Variants in WDR59 observed in about 807,000 individuals in gnomAD.
The protein encoded by WDR59 is GATOR2 complex protein WDR59.
Under a neutral mutation model 131.2 loss-of-function variants are expected in WDR59, and 100 were observed. That is an observed-to-expected ratio of 0.76 (90% CI 0.65 to 0.90). The LOEUF (loss-of-function observed/expected upper bound fraction) is 0.90. Ranked by LOEUF, WDR59 falls within the 40% of genes least tolerant of loss-of-function variation. The pLI is 0.00. For missense variants in WDR59, 1,203 were observed against 1,262.2 expected (o/e 0.95, Z 0.71); for synonymous variants, 601 against 466.2 (o/e 1.29, Z -3.72).
At chr16:74,953,208 A>C (rs1391701436) in intron 3 of WDR59, among the ~76,000 whole-genome samples, 1 of 152,220 alleles carries the variant, frequency 6.6e-6, no homozygotes, top group African/African-American at 2.4e-5. Flanking sequence ...GCAGTGGCTC[A>C]TGCCTGTAAT....
At chr16:74,917,852 T>A in intron 11 of WDR59, 77 bp downstream of exon 11, 25 of 1,096,044 alleles carry the variant, frequency 2.3e-5, no homozygotes, top group Non-Finnish European at 3.0e-5. Context: ...CTGTAACCTC[T>A]AATTTCCGCA....
rs34834142 is a variant in WDR59, at chr16:74,957,081, CTT to C, written c.105-473_105-472del. On this transcript the variant is annotated intron_variant, in intron 2 of 25. Coordinates refer to ENST00000262144, the MANE Select transcript of WDR59 (RefSeq NM_030581.4). ...CTATGTCTTGAATATCTTTTTTTTT[CTT>C]TTTTTTTTTTTTTTTGAGACAGAGT... Among the ~76,000 whole-genome samples the C allele has an allele frequency of 1.7e-3, 207 of 123,938 alleles. 1 individual carries two copies. Among genetic ancestry groups the C allele is most frequent in the African/African-American group, 3.8e-3 (124 of 32,854 alleles). 81.3% of individuals were successfully genotyped at this position (123,938 alleles called of 152,430 possible).
chr16:74,952,457 A>G (rs910697312), intron 3 of WDR59, among the ~76,000 whole-genome samples: 6 of 150,732 alleles, frequency 4.0e-5, no homozygotes, highest in African/African-American at 7.3e-5. Context: ...AAAAAAAAAA[A>G]AAAAAAAAAG....
chr16:74,885,698 C>G lies in WDR59; in HGVS notation c.2644G>C (p.Val882Leu). 6.2e-7 allele frequency: 1 copy of G among 1,614,124 alleles called. No individual in the cohort carries two copies. The highest frequency in any genetic ancestry group is 8.5e-7 in the Non-Finnish European group (1 of 1,180,030). The change falls in exon 25 of 26, where the codon GTG becomes CTG. Residue 882 changes from valine (V) to leucine (L), a missense_variant. By Grantham distance (32) the Val-to-Leu change is conservative. Coordinates refer to ENST00000262144, the MANE Select transcript of WDR59 (RefSeq NM_030581.4). ...GGAGGACAGGAGACAAACTTCAACACTTCAGCTCGCTTCTCTCTCAGACCC... is the reference window on the plus strand; with the variant it reads ...GGAGGACAGGAGACAAACTTCAACAGTTCAGCTCGCTTCTCTCTCAGACCC... Reference protein sequence around the residue: ...RWGLREKRAEVLKFVSCPPDP... With the variant: ...RWGLREKRAELLKFVSCPPDP...
chr16:74,932,528 A>T (rs558796756), intron 8 of WDR59, among the ~76,000 whole-genome samples: 11 of 151,844 alleles, frequency 7.2e-5, no homozygotes, highest in African/African-American at 1.9e-4. Flanking sequence ...TCACTCTGTC[A>T]CCCAGGTTGG....
At chr16:74,976,738 G>A (rs558251951) in intron 1 of WDR59, among the ~76,000 whole-genome samples, 4 of 152,308 alleles carry the variant, frequency 2.6e-5, no homozygotes, top group African/African-American at 9.6e-5. Flanking sequence ...ACCAAGCCCG[G>A]CCTAAACATT....
At chr16:74,955,417 C>T (rs964108976) in intron 3 of WDR59, among the ~76,000 whole-genome samples, 6 of 152,084 alleles carry the variant, frequency 3.9e-5, no homozygotes, top group South Asian at 2.1e-4. Context: ...CTGGACTAGA[C>T]GATCAGGGGC....
intron 18 of WDR59, among the ~76,000 whole-genome samples, chr16:74,903,545 A>C (rs1965655440): frequency 6.6e-6 from 1 of 152,138 alleles, no homozygotes; most frequent in Non-Finnish European, 1.5e-5. Context: ...TCTCACAACC[A>C]TCAAGTTCCA....
Position 74,888,079 on chromosome 16 carries a change from T to C in WDR59, c.2346+90A>G, listed in dbSNP as rs147492747. 3.1e-4 allele frequency: 441 copies of C among 1,438,220 alleles called. 3 individuals carry two copies. The African/African-American group carries it at 5.2e-3, about 17-fold the overall frequency. The allele number at this position is 1,438,220 out of a possible 1,614,324, so 89.1% of individuals were successfully genotyped here. On this transcript the variant is annotated intron_variant, in intron 22 of 25. Coordinates refer to ENST00000262144, the MANE Select transcript of WDR59 (RefSeq NM_030581.4). ...GTTGCAGTGAGCTGAGATCATGCCA[T>C]TGCACTCCAGCCTGGGCAACAAAGT...
At chr16:74,984,347 C>G (rs1476370984) in intron 1 of WDR59, among the ~76,000 whole-genome samples, 1 of 152,042 alleles carries the variant, frequency 6.6e-6, no homozygotes, top group Non-Finnish European at 1.5e-5. Flanking sequence ...CTTGTAAGTA[C>G]GACCATCTCC....
chr16:74,983,966 C>T (rs2034525060), intron 1 of WDR59, among the ~76,000 whole-genome samples: 1 of 151,580 alleles, frequency 6.6e-6, no homozygotes, highest in South Asian at 2.1e-4. Context: ...GGTGACAGAG[C>T]CAGACCCTGT....
chr16:74,951,114 C>G, intron 4 of WDR59, among the ~76,000 whole-genome samples: 1 of 145,876 alleles, frequency 6.9e-6, no homozygotes, highest in East Asian at 2.0e-4. Context: ...GAGCCAAGAT[C>G]GCACCATTGC....
Position 74,912,316 on chromosome 16 carries a change from T to A in WDR59, c.1271A>T (p.Asn424Ile), listed in dbSNP as rs375654496. 7 of 1,614,016 alleles carry A rather than the reference T, an allele frequency of 4.3e-6. No individual in the cohort carries two copies. In the African/African-American group the frequency reaches 8.0e-5, roughly 18 times the overall value. ...CTTCACCAGCATCTTGACACGATGG[T>A]TGCTGCAGTGCACAGACACTGTGCA... ...RSCTVSVHCS[N>I]HRVKMLVKFP... Residue 424 changes from asparagine (N) to isoleucine (I), a missense_variant, in exon 14 of 26, where the codon AAC (asparagine) becomes ATC (isoleucine). Transcript: ENST00000262144.
At chr16:74,912,061 T>A in intron 14 of WDR59, 137 bp downstream of exon 14, 1 of 1,180,358 alleles carries the variant, frequency 8.5e-7, no homozygotes. Context: ...AGTTCAGAGG[T>A]TACGTTGCTA....
At chr16:74,936,335 A>G (rs2031799208) in intron 8 of WDR59, among the ~76,000 whole-genome samples, 1 of 152,054 alleles carries the variant, frequency 6.6e-6, no homozygotes, top group Non-Finnish European at 1.5e-5. Context: ...ATCTATATAT[A>G]AAGAAAAAAT....
At chr16:74,981,897 C>T (rs1326288553) in intron 1 of WDR59, among the ~76,000 whole-genome samples, 1 of 136,504 alleles carries the variant, frequency 7.3e-6, no homozygotes, top group Non-Finnish European at 1.6e-5. Flanking sequence ...CTCAGGTGAT[C>T]CGCCTACCTC....
At chr16:74,970,495 CAAAAAA>C (rs746574195) in intron 1 of WDR59, among the ~76,000 whole-genome samples, 17 of 33,432 alleles carry the variant, frequency 5.1e-4, no homozygotes, top group Non-Finnish European at 8.3e-4. Flanking sequence ...ACTCTGTCTC[CAAAAAA>C]AAAAAAAAAA....
At chr16:74,982,955 G>A (rs764224272) in intron 1 of WDR59, among the ~76,000 whole-genome samples, 1 of 152,338 alleles carries the variant, frequency 6.6e-6, no homozygotes, top group African/African-American at 2.4e-5. Flanking sequence ...ATGGTATAGT[G>A]TATACCTGAA....
rs139411254 is a variant in WDR59, at chr16:74,889,716, G to T, written c.2182C>A (p.Leu728Met). The T allele has an allele frequency of 3.1e-6, 5 of 1,613,554 alleles. No homozygotes were observed. In the African/African-American group the frequency reaches 6.7e-5, roughly 22 times the overall value. The change falls in exon 21 of 26, where the codon CTG becomes ATG. Residue 728 changes from leucine to methionine, a missense_variant. Transcript: ENST00000262144. ...PWARHPFGRQ[L>M]LESLLAHYCR... ...CTCAAAACCTACAGGGACTCCAGCA[G>T]CTGCCGCCCAAATGGATGTCGAGCC...
Sources: allele counts gnomAD v4.1 joint callset (sites outside exome capture counted in the v4.1 genomes callset), GRCh38; gene constraint gnomAD v4.1.1; transcripts MANE v1.5; gene names NCBI Gene and HGNC (gene_info 2026-07-23, HGNC 2026-07-21).